The following FSTL5 variants were observed in gnomAD, a reference collection of about 807,000 sequenced individuals.
FSTL5 encodes follistatin-related protein 5.
A neutral mutation model predicts 89.1 loss-of-function variants in FSTL5; 62 were observed. The observed-to-expected ratio is 0.70, with a 90% CI of 0.57 to 0.86. The LOEUF (loss-of-function observed/expected upper bound fraction) is 0.86. Ranked by LOEUF, FSTL5 falls within the 40% of genes least tolerant of loss-of-function variation. FSTL5 has a pLI of 0.00. For missense variants in FSTL5, 1,057 were observed against 1,001.6 expected (o/e 1.06, Z -0.75); for synonymous variants, 383 against 346.2 (o/e 1.11, Z -1.18).
chr4:161,609,957 G>T (rs181586509), intron 7 of FSTL5, among the ~76,000 whole-genome samples: 1 of 152,148 alleles, frequency 6.6e-6, no homozygotes, highest in African/African-American at 2.4e-5. Context: ...AGGGACTCAG[G>T]GAAATTTGTC....
At chr4:162,011,554 T>A (rs1736767696) in intron 3 of FSTL5, among the ~76,000 whole-genome samples, 1 of 151,952 alleles carries the variant, frequency 6.6e-6, no homozygotes, top group African/African-American at 2.4e-5. Flanking sequence ...AGTGCAGTGG[T>A]GCGATTTTGG....
intron 4 of FSTL5, among the ~76,000 whole-genome samples, chr4:161,899,074 A>G (rs938702638): frequency 3.9e-5 from 6 of 152,096 alleles, no homozygotes; most frequent in Non-Finnish European, 8.8e-5. Context: ...TCCATCATCA[A>G]TATTTGAAGG....
At chr4:161,576,746 A>G (rs1488727161) in intron 8 of FSTL5, among the ~76,000 whole-genome samples, 1 of 152,226 alleles carries the variant, frequency 6.6e-6, no homozygotes, top group Non-Finnish European at 1.5e-5. Context: ...TAGATGACAT[A>G]TATCTTTTCT....
intron 15 of FSTL5, among the ~76,000 whole-genome samples, chr4:161,391,347 T>C (rs1484666296): frequency 1.3e-5 from 2 of 152,162 alleles, no homozygotes; most frequent in African/African-American, 2.4e-5. Context: ...GGATTATAAA[T>C]GTCATGTTTT....
chr4:161,653,679 T>C (rs906143202), intron 7 of FSTL5, among the ~76,000 whole-genome samples: 7 of 152,156 alleles, frequency 4.6e-5, no homozygotes, highest in Admixed American at 1.3e-4. Context: ...TAAGCATAAA[T>C]AAGTATCAAA....
chr4:161,678,893 T>C (rs1737416136), intron 6 of FSTL5, among the ~76,000 whole-genome samples: 1 of 151,774 alleles, frequency 6.6e-6, no homozygotes, highest in African/African-American at 2.4e-5. Flanking sequence ...TTAATGTCTT[T>C]TTATCTATAT....
intron 2 of FSTL5, among the ~76,000 whole-genome samples, chr4:162,050,070 C>A (rs1165074412): frequency 2.0e-5 from 3 of 151,882 alleles, no homozygotes; most frequent in Non-Finnish European, 4.4e-5. Flanking sequence ...GATCCATTAA[C>A]AGTTCATAAG....
At chr4:161,505,076 C>T (rs542662040) in intron 11 of FSTL5, among the ~76,000 whole-genome samples, 83 of 152,176 alleles carry the variant, frequency 5.5e-4, no homozygotes, top group African/African-American at 1.9e-3. Flanking sequence ...CGGTGTTATA[C>T]AGAATCCTTC....
At chr4:162,134,575 A>G (rs546864436) in intron 1 of FSTL5, among the ~76,000 whole-genome samples, 1 of 152,340 alleles carries the variant, frequency 6.6e-6, no homozygotes, top group Non-Finnish European at 1.5e-5. Flanking sequence ...TTTAAACACT[A>G]CAGTACCATT....
At chr4:162,011,373 T>C (rs1443157937) in intron 3 of FSTL5, among the ~76,000 whole-genome samples, 1 of 152,112 alleles carries the variant, frequency 6.6e-6, no homozygotes, top group African/African-American at 2.4e-5. Flanking sequence ...GAGCATATGG[T>C]TTAACATATG....
At chr4:161,576,810 A>G (rs1246435483) in intron 8 of FSTL5, among the ~76,000 whole-genome samples, 1 of 152,220 alleles carries the variant, frequency 6.6e-6, no homozygotes, top group Non-Finnish European at 1.5e-5. Context: ...TCCATTGGCC[A>G]AAAATTTGTC....
At chr4:161,606,168 G>A (rs747091189) in intron 7 of FSTL5, among the ~76,000 whole-genome samples, 4 of 151,446 alleles carry the variant, frequency 2.6e-5, no homozygotes, top group Non-Finnish European at 4.4e-5. Flanking sequence ...GCCAAGATCA[G>A]TGAAGTTCAA....
chr4:161,493,410 A>G (rs1729951428), intron 12 of FSTL5, among the ~76,000 whole-genome samples: 1 of 151,554 alleles, frequency 6.6e-6, no homozygotes, highest in African/African-American at 2.4e-5. Context: ...ACATAGGGGG[A>G]CATGAAGGAA....
chr4:161,945,257 T>C (rs965301028), intron 3 of FSTL5, among the ~76,000 whole-genome samples: 1 of 152,176 alleles, frequency 6.6e-6, no homozygotes, highest in Admixed American at 6.6e-5. Context: ...TGAATTAAGC[T>C]CCACAATGAT....
chr4:161,473,406 C>A (rs187957983), intron 13 of FSTL5, among the ~76,000 whole-genome samples: 1 of 148,362 alleles, frequency 6.7e-6, no homozygotes, highest in Admixed American at 6.9e-5. Context: ...TAAATTATCT[C>A]CCTCTTTGTC....
At chr4:161,765,819 A>G (rs1274610645) in intron 5 of FSTL5, among the ~76,000 whole-genome samples, 1 of 150,320 alleles carries the variant, frequency 6.7e-6, no homozygotes, top group Non-Finnish European at 1.5e-5. Flanking sequence ...TTTTTGAGAC[A>G]GAGTCTTGCT....
intron 2 of FSTL5, among the ~76,000 whole-genome samples, chr4:162,068,012 AG>A (rs1485467147): frequency 1.3e-5 from 2 of 152,074 alleles, no homozygotes; most frequent in Non-Finnish European, 1.5e-5. Flanking sequence ...GCCCTCTTCA[AG>A]GAGAACTATG....
chr4:161,594,602 C>A (rs1733945619), intron 7 of FSTL5, among the ~76,000 whole-genome samples: 1 of 152,024 alleles, frequency 6.6e-6, no homozygotes, highest in East Asian at 1.9e-4. Flanking sequence ...ATTACCATTT[C>A]TAAGGTATAT....
intron 15 of FSTL5, among the ~76,000 whole-genome samples, chr4:161,389,903 A>G (rs749582028): frequency 2.0e-5 from 3 of 152,106 alleles, no homozygotes; most frequent in Non-Finnish European, 4.4e-5. Context: ...CTTATTATCA[A>G]TTTTTCTGTG....
Sources: gnomAD v4.1 joint callset for allele counts (sites outside exome capture counted in the v4.1 genomes callset) on GRCh38, gnomAD v4.1.1 for gene constraint, MANE v1.5 for transcripts, NCBI Gene and HGNC (gene_info 2026-07-23, HGNC 2026-07-21) for gene names.